The following THSD4 variants were observed in gnomAD, a reference collection of about 807,000 sequenced individuals.
THSD4 encodes thrombospondin type 1 domain containing 4.
In THSD4, 69 loss-of-function variants were observed where a neutral mutation model predicts 119.0. That is an observed-to-expected ratio of 0.58 (90% CI 0.48 to 0.71). THSD4 has a LOEUF of 0.71. Ranked by LOEUF, THSD4 falls within the 30% of genes least tolerant of loss-of-function variation. The probability of loss-of-function intolerance (pLI) is 0.00; values close to 1 mark genes in which losing one functional copy is unlikely to be tolerated. For synonymous variants in THSD4, 524 were observed against 540.4 expected (o/e 0.97, Z 0.42); for missense variants, 1,393 against 1,391.1 (o/e 1.00, Z -0.02).
At chr15:71,248,672 G>T (rs2044228591) in intron 5 of THSD4, among the ~76,000 whole-genome samples, 1 of 152,112 alleles carries the variant, frequency 6.6e-6, no homozygotes, top group Non-Finnish European at 1.5e-5. Flanking sequence ...TTTTGACAAT[G>T]GATTTATCCA....
chr15:71,296,436 C>A (rs1216160004), intron 6 of THSD4, among the ~76,000 whole-genome samples: 1 of 152,118 alleles, frequency 6.6e-6, no homozygotes, highest in Non-Finnish European at 1.5e-5. Context: ...CCACTAAGAC[C>A]GGATGACCTC....
chr15:71,199,265 C>G (rs557113279), intron 3 of THSD4, among the ~76,000 whole-genome samples: 2 of 152,322 alleles, frequency 1.3e-5, no homozygotes, highest in South Asian at 4.1e-4. Flanking sequence ...TCCCCTTCCT[C>G]CTTTCAATTG....
At chr15:71,251,981 T>C (rs779119713) in intron 5 of THSD4, among the ~76,000 whole-genome samples, 2 of 152,212 alleles carry the variant, frequency 1.3e-5, no homozygotes, top group Non-Finnish European at 2.9e-5. Context: ...TTCTCTTCCA[T>C]TAAAAGTCCA....
At chr15:71,754,899 G>A (rs1485780335) in intron 14 of THSD4, among the ~76,000 whole-genome samples, 5 of 152,208 alleles carry the variant, frequency 3.3e-5, no homozygotes, top group Non-Finnish European at 7.3e-5. Context: ...ACAAAGGAAA[G>A]GGGCTGGGGC....
chr15:71,433,964 A>G lies in THSD4; in HGVS notation c.1152+22141A>G, dbSNP rs370204584. ...GCCGGCCCTTAGAGCTTTAGCTCACAGACAAAACAAACAAGCATCAAAAAT... is the reference window on the plus strand; with the variant it reads ...GCCGGCCCTTAGAGCTTTAGCTCACGGACAAAACAAACAAGCATCAAAAAT... On this transcript the variant is annotated intron_variant, in intron 7 of 17. Coordinates refer to ENST00000261862, the MANE Select transcript of THSD4 (RefSeq NM_024817.3). 4.6e-5 allele frequency among the ~76,000 whole-genome samples: 7 copies of G among 152,208 alleles called. No homozygotes were observed. In the East Asian group the frequency reaches 5.8e-4, roughly 13 times the overall value.
upstream of THSD4, among the ~76,000 whole-genome samples, chr15:71,114,487 C>A (rs925586527): frequency 1.3e-5 from 2 of 152,176 alleles, no homozygotes; most frequent in African/African-American, 4.8e-5. Context: ...TCACCCCCTC[C>A]CTGCTCTGGG....
At chr15:71,497,911 A>G (rs1033309125) in intron 7 of THSD4, among the ~76,000 whole-genome samples, 1 of 152,242 alleles carries the variant, frequency 6.6e-6, no homozygotes, top group Admixed American at 6.5e-5. Flanking sequence ...TTATCTTCAT[A>G]TCATTTACAG....
chr15:71,553,831 T>C (rs1411082831), intron 7 of THSD4, among the ~76,000 whole-genome samples: 1 of 152,234 alleles, frequency 6.6e-6, no homozygotes, highest in Non-Finnish European at 1.5e-5. Context: ...ATATTATGGA[T>C]TTCTTAATGT....
intron 1 of THSD4, among the ~76,000 whole-genome samples, chr15:71,141,033 T>C (rs560831941): frequency 6.6e-6 from 1 of 152,378 alleles, no homozygotes; most frequent in South Asian, 2.1e-4. Context: ...TATGAGTACT[T>C]TATTTCTTTT....
intron 7 of THSD4, among the ~76,000 whole-genome samples, chr15:71,463,726 C>A (rs2047458199): frequency 6.6e-6 from 1 of 152,290 alleles, no homozygotes; most frequent in African/African-American, 2.4e-5. Context: ...CAGGGATTAC[C>A]TGATTTCTTA....
chr15:71,364,883 G>A lies in THSD4; in HGVS notation c.1016-46804G>A, dbSNP rs1192837603. Among the ~76,000 whole-genome samples the A allele has an allele frequency of 4.6e-5, 7 of 152,160 alleles. No homozygotes were observed. The East Asian group carries it at 1.3e-3, about 29-fold the overall frequency. On this transcript the variant is annotated intron_variant, in intron 6 of 17. Transcript: ENST00000261862. ...GGTGGGTTACAAATGGAACTTGTAT[G>A]CATGTGAATTAATGGTTTTTTAAAG...
chr15:71,340,725 C>A (rs529935057), intron 6 of THSD4, among the ~76,000 whole-genome samples: 1 of 151,468 alleles, frequency 6.6e-6, no homozygotes, highest in Non-Finnish European at 1.5e-5. Flanking sequence ...CCTGCCTCAA[C>A]CTCCTGAGTA....
intron 7 of THSD4, among the ~76,000 whole-genome samples, chr15:71,579,738 A>G (rs538912871): frequency 6.6e-6 from 1 of 152,312 alleles, no homozygotes; most frequent in Non-Finnish European, 1.5e-5. Context: ...TGGAGACACC[A>G]TGGTTTGGAA....
At chr15:71,180,557 A>G (rs1349944762) in intron 3 of THSD4, among the ~76,000 whole-genome samples, 2 of 152,186 alleles carry the variant, frequency 1.3e-5, no homozygotes, top group Admixed American at 1.3e-4. Flanking sequence ...CAAATATGTA[A>G]TTGATTATGT....
At chr15:71,551,455 G>A (rs916017475) in intron 7 of THSD4, among the ~76,000 whole-genome samples, 2 of 152,186 alleles carry the variant, frequency 1.3e-5, no homozygotes, top group South Asian at 4.1e-4. Context: ...TATTTGAACT[G>A]AGGCTTGAAG....
At chr15:71,306,026 G>A (rs1271425765) in intron 6 of THSD4, among the ~76,000 whole-genome samples, 2 of 152,094 alleles carry the variant, frequency 1.3e-5, no homozygotes, top group African/African-American at 4.8e-5. Context: ...ATGAGAGACG[G>A]GCCAGGCGCA....
At chr15:71,298,367 T>G (rs1285131203) in intron 6 of THSD4, among the ~76,000 whole-genome samples, 1 of 152,188 alleles carries the variant, frequency 6.6e-6, no homozygotes, top group African/African-American at 2.4e-5. Flanking sequence ...TATCAGGAAA[T>G]GTAAGTCTTC....
intron 7 of THSD4, among the ~76,000 whole-genome samples, chr15:71,480,826 G>A (rs549690043): frequency 2.0e-5 from 3 of 152,164 alleles, no homozygotes; most frequent in Non-Finnish European, 4.4e-5. Context: ...GAAGAGGAGC[G>A]CAGTGGATAG....
At chr15:71,366,299 C>T (rs923780850) in intron 6 of THSD4, among the ~76,000 whole-genome samples, 1 of 152,148 alleles carries the variant, frequency 6.6e-6, no homozygotes, top group African/African-American at 2.4e-5. Flanking sequence ...TGGTCTCGAT[C>T]TCCCGTCCTC....
Sources: allele counts gnomAD v4.1 joint callset (sites outside exome capture counted in the v4.1 genomes callset), GRCh38; gene constraint gnomAD v4.1.1; transcripts MANE v1.5; gene names NCBI Gene and HGNC (gene_info 2026-07-23, HGNC 2026-07-21).